KHDRBS2: variants seen among roughly 807,000 people sequenced by gnomAD.
The protein encoded by KHDRBS2 is KH domain-containing, RNA-binding, signal transduction-associated protein 2.
Under a neutral mutation model 44.3 loss-of-function variants are expected in KHDRBS2, and 26 were observed. The observed-to-expected ratio is 0.59, with a 90% CI of 0.43 to 0.81. KHDRBS2 has a LOEUF of 0.81. Ranked by LOEUF, KHDRBS2 falls within the 40% of genes least tolerant of loss-of-function variation. The probability of loss-of-function intolerance (pLI) is 0.00; values close to 1 mark genes in which losing one functional copy is unlikely to be tolerated. For synonymous variants in KHDRBS2, 194 were observed against 151.1 expected (o/e 1.28, Z -2.08); for missense variants, 476 against 433.1 (o/e 1.10, Z -0.88).
chr6:61,562,037 C>T, the KHDRBS2 span, among the ~76,000 whole-genome samples: 2 of 152,096 alleles, frequency 1.3e-5, no homozygotes, highest in Non-Finnish European at 2.9e-5. Flanking sequence ...CATGTTTAAC[C>T]AACTCTAGGA....
Position 62,037,406 on chromosome 6 carries a change from T to C in KHDRBS2, c.336+10472A>G, listed in dbSNP as rs942230425. Among the ~76,000 whole-genome samples the C allele has an allele frequency of 4.6e-5, 7 of 151,700 alleles. No individual in the cohort carries two copies. In the East Asian group the frequency reaches 9.7e-4, roughly 21 times the overall value. On this transcript the variant is annotated intron_variant, in intron 3 of 8. Coordinates refer to ENST00000281156, the MANE Select transcript of KHDRBS2 (RefSeq NM_152688.4). ...TCAAGAAAATAAAAATGAGAGTCAT[T>C]TGGTGTTTCAAATTCTGAAAAAAAA...
rs1179414854 is a variant in KHDRBS2, at chr6:62,096,078, T to G, written c.220-48084A>C. 2.0e-5 allele frequency among the ~76,000 whole-genome samples: 3 copies of G among 152,038 alleles called. No homozygotes were observed. In the East Asian group the frequency reaches 5.8e-4, roughly 29 times the overall value. ...CCCTGGGATGAATCCCATTTGATCA[T>G]GATGAATAATCTTTTTGACGTGCTT... On this transcript the variant is annotated intron_variant, in intron 2 of 8. Transcript: ENST00000281156.
Position 62,114,399 on chromosome 6 carries a change from A to C in KHDRBS2, c.219+62786T>G, listed in dbSNP as rs79026844. ...ACATGTTTTAAGGAACTGCTTCTGA[A>C]ATGTAAGAGTTTTGTGACATTGATC... is the stretch of plus-strand genomic sequence containing the variant. On this transcript the variant is annotated intron_variant, in intron 2 of 8. Coordinates refer to ENST00000281156, the MANE Select transcript of KHDRBS2 (RefSeq NM_152688.4). Among the ~76,000 whole-genome samples, 216 of 152,296 alleles carry C rather than the reference A, an allele frequency of 1.4e-3. 1 individual carries two copies. Among genetic ancestry groups the C allele is most frequent in the African/African-American group, 5.0e-3 (206 of 41,572 alleles).
rs575503965 is a variant in KHDRBS2 at position 61,955,172 on chromosome 6, G to GTA, written c.483+22892_483+22893dup. Among the ~76,000 whole-genome samples the GTA allele has an allele frequency of 5.2e-5, 7 of 133,678 alleles. No individual in the cohort carries two copies. In the South Asian group the frequency reaches 7.2e-4, roughly 14 times the overall value. 87.7% of individuals were successfully genotyped at this position (133,678 alleles called of 152,430 possible). On this transcript the variant is annotated intron_variant, in intron 4 of 8. Coordinates refer to ENST00000281156, the MANE Select transcript of KHDRBS2 (RefSeq NM_152688.4). Reference sequence around the variant, plus strand: ...CGTGTGTATGTATGTATACATATGTGTATATACACATACGTTTGTATGTAT... The same window carrying GTA: ...CGTGTGTATGTATGTATACATATGTGTATATATACACATACGTTTGTATGTAT...
chr6:62,120,166 G>T (rs1443677376), intron 2 of KHDRBS2, among the ~76,000 whole-genome samples: 1 of 152,128 alleles, frequency 6.6e-6, no homozygotes, highest in Non-Finnish European at 1.5e-5. Context: ...TTATTTGCTT[G>T]GTTAGCTGAA....
At chr6:62,148,255 A>G (rs1159104383) in intron 2 of KHDRBS2, among the ~76,000 whole-genome samples, 2 of 152,058 alleles carry the variant, frequency 1.3e-5, no homozygotes, top group Non-Finnish European at 2.9e-5. Context: ...GTACTCATAA[A>G]TAAAAATAAC....
chr6:61,668,445 A>G, the KHDRBS2 span, among the ~76,000 whole-genome samples: 4 of 151,124 alleles, frequency 2.6e-5, no homozygotes, highest in Non-Finnish European at 4.5e-5. Flanking sequence ...AAGTAAAAGG[A>G]AAGTGTGTAA....
At chr6:62,215,752 T>C (rs1263408436) in intron 1 of KHDRBS2, among the ~76,000 whole-genome samples, 1 of 151,740 alleles carries the variant, frequency 6.6e-6, no homozygotes, top group Non-Finnish European at 1.5e-5. Flanking sequence ...TGAAATACAA[T>C]CTTTAATAAA....
At chr6:61,694,436 T>C (rs1378366101) in intron 8 of KHDRBS2, among the ~76,000 whole-genome samples, 1 of 152,144 alleles carries the variant, frequency 6.6e-6, no homozygotes, top group African/African-American at 2.4e-5. Flanking sequence ...TCTCAGAGAC[T>C]AGTGATACCT....
At chr6:61,772,409 T>A (rs1341610256) in intron 6 of KHDRBS2, among the ~76,000 whole-genome samples, 1 of 151,858 alleles carries the variant, frequency 6.6e-6, no homozygotes, top group African/African-American at 2.4e-5. Flanking sequence ...TCAACAAAAT[T>A]GATAGACCGC....
intron 8 of KHDRBS2, among the ~76,000 whole-genome samples, chr6:61,696,901 A>C (rs1302697077): frequency 6.6e-6 from 1 of 152,180 alleles, no homozygotes; most frequent in East Asian, 1.9e-4. Flanking sequence ...TTGCCAAATC[A>C]ATGAGTCAGA....
intron 4 of KHDRBS2, among the ~76,000 whole-genome samples, chr6:61,949,342 AC>A (rs1764267251): frequency 6.6e-6 from 1 of 152,072 alleles, no homozygotes. Context: ...GGTGACTAAT[AC>A]TTCTATACTT....
the KHDRBS2 span, among the ~76,000 whole-genome samples, chr6:61,594,068 A>G: frequency 6.6e-6 from 1 of 152,112 alleles, no homozygotes; most frequent in Admixed American, 6.6e-5. Context: ...CCATAAAATA[A>G]GAATAATCCC....
rs546171362 is a variant in KHDRBS2, at chr6:61,776,896, C to G, written c.811-44132G>C. On this transcript the variant is annotated intron_variant, in intron 6 of 8. Transcript: ENST00000281156. The stretch of plus-strand genomic sequence containing the variant: ...AATACTTGGATCCAACCTAAATGTC[C>G]AACAACGATAGAATGGATGAAGAAA... Among the ~76,000 whole-genome samples the G allele has an allele frequency of 1.1e-4, 16 of 152,062 alleles. 1 individual carries two copies. Among genetic ancestry groups the G allele is most frequent in the Non-Finnish European group, 2.2e-4 (15 of 67,968 alleles).
chr6:61,543,615 G>T, the KHDRBS2 span, among the ~76,000 whole-genome samples: 6 of 149,094 alleles, frequency 4.0e-5, no homozygotes, highest in African/African-American at 1.5e-4. Context: ...ATACCCCAAA[G>T]AAAGGAAATC....
chr6:61,733,462 G>A (rs558819447), intron 6 of KHDRBS2, among the ~76,000 whole-genome samples: 128 of 152,166 alleles, frequency 8.4e-4, no homozygotes, highest in African/African-American at 3.1e-3. Context: ...AGGCGTGGTG[G>A]TGTGCACCTG....
chr6:61,669,646 T>C, the KHDRBS2 span, among the ~76,000 whole-genome samples: 3 of 150,956 alleles, frequency 2.0e-5, no homozygotes, highest in Admixed American at 2.0e-4. Context: ...ATAACTAACT[T>C]GGGGAAGATA....
intron 6 of KHDRBS2, among the ~76,000 whole-genome samples, chr6:61,799,936 CAT>C (rs1785997973): frequency 6.6e-6 from 1 of 152,088 alleles, no homozygotes; most frequent in Admixed American, 6.6e-5. Flanking sequence ...CATCAAAACA[CAT>C]GATATCTAAG....
chr6:61,894,503 C>A, intron 6 of KHDRBS2, 132 bp downstream of exon 6: 1 of 706,064 alleles, frequency 1.4e-6, no homozygotes, highest in South Asian at 2.0e-5. Flanking sequence ...TGCTTAAATT[C>A]TGTTGTAAAT....
Sources: allele counts gnomAD v4.1 joint callset (sites outside exome capture counted in the v4.1 genomes callset), GRCh38; gene constraint gnomAD v4.1.1; transcripts MANE v1.5; gene names NCBI Gene and HGNC (gene_info 2026-07-23, HGNC 2026-07-21).